The following ATG7 variants were observed in gnomAD, a reference collection of about 807,000 sequenced individuals.
ATG7 encodes the protein autophagy related 7.
In ATG7, 70 loss-of-function variants were observed where a neutral mutation model predicts 82.4. The ratio of observed to expected loss-of-function variants is 0.85; its 90% CI spans 0.70 to 1.04. ATG7 has a LOEUF of 1.04. Among genes scored for constraint, ATG7 ranks in the 50% least tolerant of loss-of-function variants. ATG7 has a pLI of 0.00. For synonymous variants in ATG7, 287 were observed against 313.0 expected, an observed-to-expected ratio of 0.92 and a Z score of 0.88; for missense variants, 792 against 864.3, an observed-to-expected ratio of 0.92 and a Z score of 1.05.
chr3:11,534,512 C>G (rs888239755), intron 20 of ATG7, among the ~76,000 whole-genome samples: 1 of 152,234 alleles, frequency 6.6e-6, no homozygotes, highest in African/African-American at 2.4e-5. Context: ...AGAGCCAAGG[C>G]GGTCTGGAAC....
At chr3:11,509,293 G>T (rs959509021) in intron 20 of ATG7, among the ~76,000 whole-genome samples, 4 of 152,178 alleles carry the variant, frequency 2.6e-5, no homozygotes, top group Non-Finnish European at 5.9e-5. Context: ...GCTGTTCCCG[G>T]CCCAGATAAC....
At chr3:11,484,429 A>C (rs2089382316) in intron 20 of ATG7, among the ~76,000 whole-genome samples, 1 of 152,088 alleles carries the variant, frequency 6.6e-6, no homozygotes, top group Non-Finnish European at 1.5e-5. Context: ...AACCACAAAA[A>C]CGACAAACCC....
chr3:11,482,660 C>A (rs2089140871), intron 20 of ATG7, among the ~76,000 whole-genome samples: 2 of 152,072 alleles, frequency 1.3e-5, no homozygotes, highest in South Asian at 4.2e-4. Context: ...TTTATAGTAT[C>A]CTTGTATATC....
chr3:11,371,493 C>T (rs995731238), intron 18 of ATG7, among the ~76,000 whole-genome samples: 1 of 151,036 alleles, frequency 6.6e-6, no homozygotes, highest in African/African-American at 2.4e-5. Context: ...GGAGAATAGA[C>T]TGGAGGTGAT....
chr3:11,347,991 G>T lies in ATG7; in HGVS notation c.1240G>T (p.Ala414Ser), dbSNP rs1283119177. 6.2e-7 allele frequency: 1 copy of T among 1,614,100 alleles called. No individual in the cohort carries two copies. Among genetic ancestry groups the T allele is most frequent in the Non-Finnish European group, 8.5e-7 (1 of 1,179,958 alleles). Residue 414 changes from alanine (A) to serine (S), a missense_variant, in exon 14 of 21, where the codon GCT (alanine) becomes TCT (serine). Physicochemically the swap from Ala to Ser is moderately conservative, Grantham distance 99. Coordinates refer to ENST00000693202, the MANE Select transcript of ATG7 (RefSeq NM_001349232.2). ...TTGCCTAGGGGGTGGTAAGCCCAAG[G>T]CTCTGGCAGCAGCGGACCGGCTCCA... ...EDCLGGGKPKALAAADRLQKI... is the reference protein window; with the variant it reads ...EDCLGGGKPKSLAAADRLQKI...
chr3:11,302,299 G>A (rs1004974641), intron 5 of ATG7, among the ~76,000 whole-genome samples: 3 of 152,188 alleles, frequency 2.0e-5, no homozygotes, highest in Non-Finnish European at 4.4e-5. Flanking sequence ...TTAAAAGTCT[G>A]TCACTTTCTG....
At chr3:11,300,281 C>G (rs914582966) in intron 5 of ATG7, among the ~76,000 whole-genome samples, 2 of 152,094 alleles carry the variant, frequency 1.3e-5, no homozygotes, top group African/African-American at 4.8e-5. Context: ...AACATCTGTT[C>G]TTTGAGACTC....
rs555022143 is a variant in ATG7 at position 11,481,146 on chromosome 3, T to G, written c.2079+54220T>G. Among the ~76,000 whole-genome samples, 7 of 152,374 alleles carry G rather than the reference T, an allele frequency of 4.6e-5. No individual in the cohort carries two copies. In the South Asian group the frequency reaches 1.4e-3, roughly 32 times the overall value. On this transcript the variant is annotated intron_variant, in intron 20 of 20. Coordinates refer to ENST00000693202, the MANE Select transcript of ATG7 (RefSeq NM_001349232.2). ...AGCATGTGCTTTGTGCAGAGCACTG[T>G]GTAAGCACCTACTGTTGAGAACAAA...
chr3:11,309,546 G>A (rs567084350), intron 7 of ATG7, among the ~76,000 whole-genome samples: 5 of 151,956 alleles, frequency 3.3e-5, no homozygotes, highest in African/African-American at 7.2e-5. Context: ...AAAGGAAATC[G>A]TATTAGGGTA....
intron 19 of ATG7, among the ~76,000 whole-genome samples, chr3:11,410,397 G>A (rs2080785405): frequency 1.3e-5 from 2 of 152,020 alleles, no homozygotes; most frequent in Admixed American, 1.3e-4. Flanking sequence ...GTTGACAAAT[G>A]TACTTTATTC....
chr3:11,548,298 T>C (rs1348115082), intron 20 of ATG7, among the ~76,000 whole-genome samples: 5 of 152,220 alleles, frequency 3.3e-5, no homozygotes, highest in Non-Finnish European at 7.3e-5. Context: ...AAGTCTCTTA[T>C]CAGATACATG....
At chr3:11,304,809 G>A (rs572434104) in intron 5 of ATG7, 11 of 152,294 alleles carry the variant, frequency 7.2e-5, no homozygotes, top group African/African-American at 2.6e-4. Context: ...TTAGTATGTG[G>A]AGAAAATTTC....
chr3:11,363,350 C>G (rs919271219), intron 17 of ATG7, among the ~76,000 whole-genome samples: 9 of 151,764 alleles, frequency 5.9e-5, no homozygotes, highest in Admixed American at 1.3e-4. Flanking sequence ...TCAAGTGATT[C>G]TCCTGCCTCA....
chr3:11,278,882 A>G (rs1019989266), intron 1 of ATG7, among the ~76,000 whole-genome samples: 14 of 152,172 alleles, frequency 9.2e-5, no homozygotes, highest in Non-Finnish European at 1.9e-4. Context: ...TCCAGAGCTG[A>G]GGGAGTCAGG....
At chr3:11,299,142 CTTT>C in intron 4 of ATG7, 1 of 601,686 alleles carries the variant, frequency 1.7e-6, no homozygotes, top group Non-Finnish European at 2.9e-6. Flanking sequence ...TCCATTGAAT[CTTT>C]TTTATATTCT....
chr3:11,331,514 T>C, intron 10 of ATG7, 86 bp downstream of exon 10: 1 of 1,127,284 alleles, frequency 8.9e-7, no homozygotes. Context: ...TGTATCTCTG[T>C]TTTCCTAAAT....
chr3:11,373,642 C>T (rs1342191882), intron 18 of ATG7, among the ~76,000 whole-genome samples: 4 of 152,166 alleles, frequency 2.6e-5, no homozygotes, highest in African/African-American at 9.7e-5. Flanking sequence ...GTGAATTTTT[C>T]TCCACCCAAG....
At chr3:11,317,538 C>T (rs1017432408) in intron 9 of ATG7, among the ~76,000 whole-genome samples, 1 of 150,748 alleles carries the variant, frequency 6.6e-6, no homozygotes, top group African/African-American at 2.4e-5. Flanking sequence ...CTCAAAGTCA[C>T]ACGACCACAT....
chr3:11,557,762 TG>T (rs1357740139), downstream of ATG7: 1 of 152,712 alleles, frequency 6.5e-6, no homozygotes, highest in East Asian at 1.9e-4. Flanking sequence ...TAAAGCACTA[TG>T]GAATCCTCCA....
Sources: allele counts gnomAD v4.1 joint callset (sites outside exome capture counted in the v4.1 genomes callset), GRCh38; gene constraint gnomAD v4.1.1; transcripts MANE v1.5; gene names NCBI Gene and HGNC (gene_info 2026-07-23, HGNC 2026-07-21).